DLGAP2: variants seen among roughly 807,000 people sequenced by gnomAD.
The protein encoded by DLGAP2 is disks large-associated protein 2.
In DLGAP2, 26 loss-of-function variants were observed where a neutral mutation model predicts 100.3. The observed-to-expected ratio is 0.26, with a 90% CI of 0.19 to 0.36. The LOEUF is 0.36. Ranked by LOEUF, DLGAP2 falls within the 10% of genes least tolerant of loss-of-function variation. DLGAP2 has a pLI of 1.00. For missense variants in DLGAP2, 1,858 were observed against 1,453.2 expected (o/e 1.28, Z -4.53); for synonymous variants, 886 against 630.1 (o/e 1.41, Z -6.08).
chr8:1,608,222 G>T (rs1284816017), intron 6 of DLGAP2, among the ~76,000 whole-genome samples: 5 of 126,654 alleles, frequency 3.9e-5, no homozygotes, highest in Non-Finnish European at 8.7e-5. Context: ...CCTCAAGTGG[G>T]TCCCTGACCC....
intron 5 of DLGAP2, among the ~76,000 whole-genome samples, chr8:1,552,406 G>C (rs552148831): frequency 2.0e-5 from 3 of 152,330 alleles, no homozygotes; most frequent in Admixed American, 6.5e-5. Flanking sequence ...CTGTCCCCCA[G>C]TGGTTGCTGC....
intron 2 of DLGAP2, among the ~76,000 whole-genome samples, chr8:1,155,746 G>A (rs1238289460): frequency 2.0e-5 from 3 of 152,164 alleles, no homozygotes; most frequent in African/African-American, 7.2e-5. Context: ...CGTCCCTGGA[G>A]CGCGGGGCCT....
chr8:817,499 T>C (rs1796504213), intron 1 of DLGAP2, among the ~76,000 whole-genome samples: 1 of 152,226 alleles, frequency 6.6e-6, no homozygotes, highest in Admixed American at 6.5e-5. Flanking sequence ...GATCCATTGC[T>C]GGTGAGGTAA....
intron 2 of DLGAP2, among the ~76,000 whole-genome samples, chr8:957,945 A>G (rs1799632750): frequency 6.6e-6 from 1 of 152,182 alleles, no homozygotes; most frequent in Non-Finnish European, 1.5e-5. Flanking sequence ...AGTGACATAC[A>G]ATACGTTCCT....
chr8:1,224,034 G>A (rs1443572867), intron 2 of DLGAP2, among the ~76,000 whole-genome samples: 1 of 152,174 alleles, frequency 6.6e-6, no homozygotes. Context: ...GCAGATTCAA[G>A]TTAAGCAATG....
intron 8 of DLGAP2, among the ~76,000 whole-genome samples, chr8:1,660,859 C>A (rs969529944): frequency 6.6e-6 from 1 of 152,150 alleles, no homozygotes; most frequent in Non-Finnish European, 1.5e-5. Context: ...TTTGAGAGAA[C>A]CTGAAGTTCT....
intron 2 of DLGAP2, among the ~76,000 whole-genome samples, chr8:1,056,264 C>G (rs973550926): frequency 1.3e-5 from 2 of 152,224 alleles, no homozygotes; most frequent in South Asian, 2.1e-4. Context: ...ACGTGGGCCT[C>G]TCCACTCGTG....
chr8:1,202,984 G>A (rs1022490787), intron 2 of DLGAP2, among the ~76,000 whole-genome samples: 2 of 152,238 alleles, frequency 1.3e-5, no homozygotes, highest in Admixed American at 6.5e-5. Context: ...CGTGTACTCC[G>A]GTGATTGCAG....
intron 2 of DLGAP2, among the ~76,000 whole-genome samples, chr8:1,006,339 G>A (rs886364499): frequency 2.6e-5 from 4 of 152,156 alleles, no homozygotes; most frequent in Non-Finnish European, 4.4e-5. Flanking sequence ...TATCACGTCA[G>A]GGGTGCCCTG....
chr8:1,090,739 T>C (rs1804153722), intron 2 of DLGAP2, among the ~76,000 whole-genome samples: 1 of 152,234 alleles, frequency 6.6e-6, no homozygotes, highest in South Asian at 2.1e-4. Flanking sequence ...TGTTTCCAAG[T>C]TTTTATCCTG....
chr8:1,304,750 C>G (rs1250928700), intron 3 of DLGAP2, among the ~76,000 whole-genome samples: 1 of 152,098 alleles, frequency 6.6e-6, no homozygotes, highest in Non-Finnish European at 1.5e-5. Context: ...GCTAAGTACC[C>G]CTTGCTACAT....
chr8:1,523,582 G>A (rs1049295147), intron 4 of DLGAP2, among the ~76,000 whole-genome samples: 1 of 152,242 alleles, frequency 6.6e-6, no homozygotes, highest in Non-Finnish European at 1.5e-5. Context: ...AGTCCTGTTT[G>A]GAGGACAGCT....
intron 4 of DLGAP2, among the ~76,000 whole-genome samples, chr8:1,523,513 CG>C (rs981404937): frequency 6.6e-6 from 1 of 152,108 alleles, no homozygotes; most frequent in Non-Finnish European, 1.5e-5. Flanking sequence ...GTGCCTTAGA[CG>C]GGGGGGAAGG....
At position 1,326,873 on chromosome 8, in the gene DLGAP2, A is replaced by T. The variant is rs958525589; in HGVS notation, c.106+67990A>T. 4.6e-5 allele frequency among the ~76,000 whole-genome samples: 7 copies of T among 152,312 alleles called. No homozygotes were observed. The South Asian group carries it at 8.3e-4, about 18-fold the overall frequency. ...TGTTGTAGTATATGTTGTTGTGGAA[A>T]CATGTAAACACAGTGACAATACAGG... On this transcript the variant is annotated intron_variant, in intron 3 of 14. Transcript: ENST00000637795.
At chr8:1,366,817 G>A (rs1019659685) in intron 3 of DLGAP2, among the ~76,000 whole-genome samples, 3 of 152,164 alleles carry the variant, frequency 2.0e-5, no homozygotes, top group Non-Finnish European at 2.9e-5. Context: ...TGTAATAAGG[G>A]GGTCTGTGGT....
chr8:1,131,397 G>T (rs879889923), intron 2 of DLGAP2, among the ~76,000 whole-genome samples: 1 of 152,182 alleles, frequency 6.6e-6, no homozygotes, highest in Non-Finnish European at 1.5e-5. Context: ...CTTCTCCCTG[G>T]CTTGCGGGAG....
At chr8:841,010 C>G (rs543314506) in intron 1 of DLGAP2, among the ~76,000 whole-genome samples, 2 of 152,294 alleles carry the variant, frequency 1.3e-5, no homozygotes, top group East Asian at 3.9e-4. Flanking sequence ...TGATGAGAGC[C>G]TAGGCCCATT....
rs6558410 is a variant in DLGAP2 at position 1,112,675 on chromosome 8, C to G, written c.74-146176C>G. Among the ~76,000 whole-genome samples, 228 of 152,272 alleles carry G rather than the reference C, an allele frequency of 1.5e-3. 4 individuals carry two copies. Among genetic ancestry groups the G allele is most frequent in the Non-Finnish European group, 2.9e-4 (20 of 68,024 alleles). On this transcript the variant is annotated intron_variant, in intron 2 of 14. Coordinates refer to ENST00000637795, the MANE Select transcript of DLGAP2 (RefSeq NM_001346810.2). ...CTCCCATTCTAGTAGTTTGTCTGTT[C>G]GCTCTGATGATAGTTTCTTTTGCTC...
chr8:1,266,182 C>G (rs1303631367), intron 3 of DLGAP2, among the ~76,000 whole-genome samples: 1 of 152,230 alleles, frequency 6.6e-6, no homozygotes, highest in African/African-American at 2.4e-5. Flanking sequence ...GGGACGCTGT[C>G]TACTATCTGC....
Sources: gnomAD v4.1 joint callset for allele counts (sites outside exome capture counted in the v4.1 genomes callset) on GRCh38, gnomAD v4.1.1 for gene constraint, MANE v1.5 for transcripts, NCBI Gene and HGNC (gene_info 2026-07-23, HGNC 2026-07-21) for gene names.